Variants in ZC3HAV1L observed in about 807,000 individuals in gnomAD.
The protein encoded by ZC3HAV1L is ZC3HAV1 like.
A neutral mutation model predicts 28.2 loss-of-function variants in ZC3HAV1L; 23 were observed. That is an observed-to-expected ratio of 0.82 (90% CI 0.59 to 1.16). The LOEUF (loss-of-function observed/expected upper bound fraction) is 1.16. Among genes scored for constraint, ZC3HAV1L ranks in the 50% most tolerant of loss-of-function variants. The pLI is 0.00. For synonymous variants in ZC3HAV1L, 180 were observed against 163.4 expected, an observed-to-expected ratio of 1.10 and a Z score of -0.78; for missense variants, 376 against 387.7, an observed-to-expected ratio of 0.97 and a Z score of 0.25.
At chr7:139,029,705 T>C (rs1432460236) in intron 2 of ZC3HAV1L, among the ~76,000 whole-genome samples, 2 of 152,174 alleles carry the variant, frequency 1.3e-5, no homozygotes, top group Non-Finnish European at 2.9e-5. Flanking sequence ...TCTCCCACAC[T>C]GGGTTTTCCT....
chr7:139,034,786 A>AAT (rs1334751129), intron 1 of ZC3HAV1L, 108 bp from the exon 2 acceptor site: 1 of 1,469,614 alleles, frequency 6.8e-7, no homozygotes, highest in East Asian at 2.3e-5. Context: ...GAAGTTGAGT[A>AAT]ATTTTCATGA....
At chr7:139,031,341 G>A (rs906776305) in intron 2 of ZC3HAV1L, among the ~76,000 whole-genome samples, 2 of 152,098 alleles carry the variant, frequency 1.3e-5, no homozygotes, top group African/African-American at 4.8e-5. Flanking sequence ...TCCTAACACT[G>A]TGGGAGGCCA....
downstream of ZC3HAV1L, among the ~76,000 whole-genome samples, chr7:139,024,507 T>C (rs1815306826): frequency 6.6e-6 from 1 of 152,136 alleles, no homozygotes; most frequent in Non-Finnish European, 1.5e-5. Context: ...TAGTAATAAT[T>C]AAATGTAAAA....
At position 139,035,535 on chromosome 7, in the gene ZC3HAV1L, G is replaced by A. The variant is rs577067891; in HGVS notation, c.365+118C>T. The A allele has an allele frequency of 3.6e-5, 47 of 1,322,318 alleles. No individual in the cohort carries two copies. In the African/African-American group the frequency reaches 6.5e-4, roughly 18 times the overall value. 81.9% of individuals were successfully genotyped at this position (1,322,318 alleles called of 1,614,324 possible). A position where few individuals can be genotyped will look rare whatever the true frequency, so the allele number is the denominator to read the frequency against. ...AAGGCCTGCGGGAGGGGGTCGTCCA[G>A]CCCCGCGTCCCCGGCCCGGGGCAGG... On this transcript the variant is annotated intron_variant, in intron 1 of 4. Transcript: ENST00000275766.
In ZC3HAV1L at chr7:139,035,790, G is replaced by GCCGCCA; in HGVS notation, c.222_227dup (p.Gly75_Gly76dup). On this transcript the variant is annotated inframe_insertion, in exon 1 of 5. Coordinates refer to ENST00000275766, the MANE Select transcript of ZC3HAV1L (RefSeq NM_080660.4). Reference sequence around the variant, plus strand: ...CGGCCACCACCCTCCAGGCGGAGGTGCCGCCACCGCCCACCGCGCCGGCCG... The same window carrying GCCGCCA: ...CGGCCACCACCCTCCAGGCGGAGGTGCCGCCACCGCCACCGCCCACCGCGCCGGCCG... The GCCGCCA allele has an allele frequency of 1.3e-6, 2 of 1,491,350 alleles. No individual in the cohort carries two copies. The highest frequency in any genetic ancestry group is 1.8e-6 in the Non-Finnish European group (2 of 1,129,218). 92.4% of individuals were successfully genotyped at this position (1,491,350 alleles called of 1,614,324 possible). A position where few individuals can be genotyped will look rare whatever the true frequency, so the allele number is the denominator to read the frequency against.
chr7:139,028,963 G>C lies in ZC3HAV1L; in HGVS notation c.502-3C>G. ...CCTTTGTTGTAGAGCAAACAGACCT[G>C]GTACAGAAATGAGGGAACACCTGAA... is the stretch of plus-strand genomic sequence containing the variant. On this transcript the variant is annotated splice_polypyrimidine_tract_variant and splice_region_variant and intron_variant, in intron 2 of 4. Coordinates refer to ENST00000275766, the MANE Select transcript of ZC3HAV1L (RefSeq NM_080660.4). 3.1e-6 allele frequency: 5 copies of C among 1,609,498 alleles called. No individual in the cohort carries two copies. The highest frequency in any genetic ancestry group is 4.2e-6 in the Non-Finnish European group (5 of 1,176,964).
downstream of ZC3HAV1L, among the ~76,000 whole-genome samples, chr7:139,022,907 G>GCT (rs1489747107): frequency 6.6e-6 from 1 of 152,200 alleles, no homozygotes; most frequent in East Asian, 1.9e-4. Context: ...GAGTGCAGTG[G>GCT]CTCACGCCTA....
At chr7:139,035,601 G>C (rs951446391) in intron 1 of ZC3HAV1L, 52 bp downstream of exon 1, 2 of 1,348,632 alleles carry the variant, frequency 1.5e-6, no homozygotes, top group Non-Finnish European at 1.9e-6. Context: ...CCAGCAGGAC[G>C]GCCAGGCCCG....
downstream of ZC3HAV1L, among the ~76,000 whole-genome samples, chr7:139,024,085 T>C (rs973990353): frequency 3.9e-5 from 6 of 152,192 alleles, no homozygotes; most frequent in Non-Finnish European, 7.3e-5. Context: ...TTAGAATACA[T>C]TGAATTTGTA....
chr7:139,026,508 T>C lies in ZC3HAV1L; in HGVS notation c.*36A>G. The C allele has an allele frequency of 6.2e-7, 1 of 1,613,062 alleles. No individual in the cohort carries two copies. Among genetic ancestry groups the C allele is most frequent in the Non-Finnish European group, 8.5e-7 (1 of 1,179,900 alleles). On this transcript the variant is annotated 3_prime_UTR_variant, in exon 5 of 5. Coordinates refer to ENST00000275766, the MANE Select transcript of ZC3HAV1L (RefSeq NM_080660.4). Reference sequence around the variant, plus strand: ...CCCAACCACCCATGCCCAAATGTATTCTTCCAAAAGGACATTTTCTCCTTT... The same window carrying C: ...CCCAACCACCCATGCCCAAATGTATCCTTCCAAAAGGACATTTTCTCCTTT...
In ZC3HAV1L at chr7:139,034,067, A is replaced by G. The variant is rs951499002; in HGVS notation, c.501+476T>C. On this transcript the variant is annotated intron_variant, in intron 2 of 4. Transcript: ENST00000275766. ...GTACAGATTCTGCTGCCTTGAGAGCAGCCTCTGCCACCTGCACCAAAGGCT... is the reference window on the plus strand; with the variant it reads ...GTACAGATTCTGCTGCCTTGAGAGCGGCCTCTGCCACCTGCACCAAAGGCT... The G allele has an allele frequency of 6.1e-6, 6 of 985,456 alleles. No homozygotes were observed. The Admixed American group carries it at 3.1e-4, about 50-fold the overall frequency. 61.0% of individuals were successfully genotyped at this position (985,456 alleles called of 1,614,324 possible). A position where few individuals can be genotyped will look rare whatever the true frequency, so the allele number is the denominator to read the frequency against.
chr7:139,024,642 T>C (rs1434254276), downstream of ZC3HAV1L, among the ~76,000 whole-genome samples: 1 of 152,224 alleles, frequency 6.6e-6, no homozygotes, highest in Non-Finnish European at 1.5e-5. Context: ...GTGGCATGAC[T>C]CTTATTATCC....
At chr7:139,031,189 T>C (rs557977437) in intron 2 of ZC3HAV1L, among the ~76,000 whole-genome samples, 1 of 152,360 alleles carries the variant, frequency 6.6e-6, no homozygotes, top group East Asian at 1.9e-4. Flanking sequence ...GGCTCATGGC[T>C]GTACTCCTAG....
In ZC3HAV1L at chr7:139,028,551, G is replaced by A. The variant is rs186785882; in HGVS notation, c.760+151C>T. The A allele has an allele frequency of 1.6e-4, 173 of 1,056,136 alleles. No homozygotes were observed. In the East Asian group the frequency reaches 4.1e-3, roughly 25 times the overall value. The allele number at this position is 1,056,136 out of a possible 1,614,324, so 65.4% of individuals were successfully genotyped here. A position where few individuals can be genotyped will look rare whatever the true frequency, so the allele number is the denominator to read the frequency against. On this transcript the variant is annotated intron_variant, in intron 3 of 4. Coordinates refer to ENST00000275766, the MANE Select transcript of ZC3HAV1L (RefSeq NM_080660.4). The stretch of plus-strand genomic sequence containing the variant: ...CGTTCTATACAATACAATGTTGCCT[G>A]TTCTAAACTTTCCCAAGAACAAAGA...
At chr7:139,023,823 G>A (rs188521142), downstream of ZC3HAV1L, among the ~76,000 whole-genome samples, 102 of 152,304 alleles carry the variant, frequency 6.7e-4, no homozygotes, top group East Asian at 0.016. Context: ...GCAGGAAGAT[G>A]ATGAGGGTTT....
chr7:139,032,884 A>T, intron 2 of ZC3HAV1L, among the ~76,000 whole-genome samples: 1 of 152,120 alleles, frequency 6.6e-6, no homozygotes, highest in Non-Finnish European at 1.5e-5. Flanking sequence ...TTCAATAAAG[A>T]CAAAAATTTG....
chr7:139,027,873 C>T (rs980348250), intron 3 of ZC3HAV1L, among the ~76,000 whole-genome samples: 2 of 152,122 alleles, frequency 1.3e-5, no homozygotes, highest in Non-Finnish European at 2.9e-5. Context: ...AAAATTGTAA[C>T]AAGTATAGTA....
Position 139,026,863 on chromosome 7 carries a change from A to G in ZC3HAV1L, c.761-30T>C, listed in dbSNP as rs567466764. On this transcript the variant is annotated intron_variant, in intron 3 of 4. Coordinates refer to ENST00000275766, the MANE Select transcript of ZC3HAV1L (RefSeq NM_080660.4). ...AAAGAGGAAAGGGATAAGTTTTCCT[A>G]CGATACCCCAAGTTTCATTTTACGT... 1.2e-5 allele frequency: 19 copies of G among 1,590,170 alleles called. No individual in the cohort carries two copies. The South Asian group carries it at 1.2e-4, about 10-fold the overall frequency.
At chr7:139,034,473 C>T in intron 2 of ZC3HAV1L, 70 bp downstream of exon 2, 1 of 1,576,802 alleles carries the variant, frequency 6.3e-7, no homozygotes, top group Non-Finnish European at 8.6e-7. Context: ...ATATGTAAAG[C>T]CAAAAGAAAA....
Sources: gnomAD v4.1 joint callset for allele counts (sites outside exome capture counted in the v4.1 genomes callset) on GRCh38, gnomAD v4.1.1 for gene constraint, MANE v1.5 for transcripts, NCBI Gene and HGNC (gene_info 2026-07-23, HGNC 2026-07-21) for gene names.